RORA: variants seen among roughly 807,000 people sequenced by gnomAD.
RORA encodes the protein RAR related orphan receptor A, also known as nuclear receptor ROR-alpha.
Under a neutral mutation model 69.5 loss-of-function variants are expected in RORA, and 7 were observed. The ratio of observed to expected loss-of-function variants is 0.10; its 90% CI spans 0.06 to 0.19. The LOEUF (loss-of-function observed/expected upper bound fraction) is 0.19. Among genes scored for constraint, RORA ranks in the 10% least tolerant of loss-of-function variants. The pLI is 1.00. For missense variants in RORA, 457 were observed against 663.0 expected, an observed-to-expected ratio of 0.69 and a Z score of 3.41; for synonymous variants, 261 against 240.8, an observed-to-expected ratio of 1.08 and a Z score of -0.78.
rs1267154275 is a variant in RORA, at chr15:60,490,837, C to T, written c.*6618G>A. 6.6e-6 allele frequency: 1 copy of T among 152,124 alleles called. No homozygotes were observed. Among genetic ancestry groups the T allele is most frequent in the East Asian group, 1.9e-4 (1 of 5,200 alleles). 9.4% of individuals were successfully genotyped at this position (152,124 alleles called of 1,614,324 possible). ...AACAGTTTGCAAATAAACCACCTAA[C>T]ACTGCAGTTCTTTATACATATTAAA... On this transcript the variant is annotated 3_prime_UTR_variant, in exon 11 of 11. Coordinates refer to ENST00000335670, the MANE Select transcript of RORA (RefSeq NM_134261.3). This position sits in a 1 kb window ranked among gnomAD's most constrained non-coding sequence, Gnocchi z 4.1.
intron 2 of RORA, among the ~76,000 whole-genome samples, chr15:60,668,178 G>C (rs1006924354): frequency 3.3e-5 from 5 of 152,130 alleles, no homozygotes; most frequent in Non-Finnish European, 5.9e-5. Flanking sequence ...ACTCCACGTA[G>C]ATCAGTTCGA....
intron 1 of RORA, among the ~76,000 whole-genome samples, chr15:61,093,286 G>A (rs1169892312): frequency 1.3e-5 from 2 of 152,118 alleles, no homozygotes; most frequent in Non-Finnish European, 2.9e-5. Context: ...CAATATGAAC[G>A]CATTAGGTGC....
At chr15:61,009,529 T>C (rs1895024426) in intron 1 of RORA, among the ~76,000 whole-genome samples, 1 of 152,218 alleles carries the variant, frequency 6.6e-6, no homozygotes, top group African/African-American at 2.4e-5. Flanking sequence ...TGTCTATTTA[T>C]ACCTATAAGG....
At chr15:61,143,114 G>C (rs938692983) in intron 1 of RORA, among the ~76,000 whole-genome samples, 1 of 152,076 alleles carries the variant, frequency 6.6e-6, no homozygotes, top group African/African-American at 2.4e-5. Context: ...ACTGAAAATG[G>C]ATGGATACAT....
At chr15:60,939,712 G>A (rs1191658717) in intron 1 of RORA, among the ~76,000 whole-genome samples, 1 of 152,182 alleles carries the variant, frequency 6.6e-6, no homozygotes, top group Non-Finnish European at 1.5e-5. Flanking sequence ...AGTTTCTCCT[G>A]TTAAGTCTGA....
intron 1 of RORA, among the ~76,000 whole-genome samples, chr15:61,107,629 T>C (rs1215550995): frequency 6.6e-6 from 1 of 151,998 alleles, no homozygotes; most frequent in Non-Finnish European, 1.5e-5. Flanking sequence ...CTACAAACTA[T>C]TGATATGTTA....
chr15:60,941,946 T>G lies in RORA; in HGVS notation c.167-263260A>C, dbSNP rs181624395. ...TTTTAGGAAGATAATTGTTGATCTT[T>G]GCATTACCCACCAGTCCAGTGAGCA... is the stretch of plus-strand genomic sequence containing the variant. On this transcript the variant is annotated intron_variant, in intron 1 of 10. Transcript: ENST00000335670. 6.9e-4 allele frequency among the ~76,000 whole-genome samples: 105 copies of G among 152,376 alleles called. 1 individual carries two copies. Among genetic ancestry groups the G allele is most frequent in the Middle Eastern group, 6.8e-3 (2 of 294 alleles).
intron 1 of RORA, among the ~76,000 whole-genome samples, chr15:61,164,845 C>T (rs1473263152): frequency 6.6e-6 from 1 of 152,162 alleles, no homozygotes; most frequent in African/African-American, 2.4e-5. Flanking sequence ...TATAAATGTT[C>T]CAGGTAATTA....
At chr15:60,543,864 G>A (rs1239962320) in intron 2 of RORA, among the ~76,000 whole-genome samples, 2 of 152,144 alleles carry the variant, frequency 1.3e-5, no homozygotes, top group African/African-American at 2.4e-5. Flanking sequence ...GTTGTGTAAC[G>A]ACATGGAGTT....
In RORA at chr15:60,913,425, G is replaced by T. The variant is rs554471208; in HGVS notation, c.167-234739C>A. 2.4e-3 allele frequency among the ~76,000 whole-genome samples: 360 copies of T among 152,310 alleles called. 2 individuals are homozygous for T. Among genetic ancestry groups the T allele is most frequent in the South Asian group, 4.4e-3 (21 of 4,814 alleles). On this transcript the variant is annotated intron_variant, in intron 1 of 10. Coordinates refer to ENST00000335670, the MANE Select transcript of RORA (RefSeq NM_134261.3). ...GAAAGCCTAGAGGAAATTGGCCAACGTCTTGGTATTCCATTCTGGTTGCCA... is the reference window on the plus strand; with the variant it reads ...GAAAGCCTAGAGGAAATTGGCCAACTTCTTGGTATTCCATTCTGGTTGCCA...
chr15:60,660,654 T>A (rs865952273), intron 2 of RORA, among the ~76,000 whole-genome samples: 1 of 152,238 alleles, frequency 6.6e-6, no homozygotes, highest in African/African-American at 2.4e-5. Context: ...CCATTCAGCT[T>A]CCATGAGGCC....
intron 1 of RORA, among the ~76,000 whole-genome samples, chr15:60,787,491 C>A (rs978426806): frequency 1.3e-5 from 2 of 152,210 alleles, no homozygotes; most frequent in African/African-American, 2.4e-5. Context: ...GTGGGGACAG[C>A]ATACGTTAGT....
intron 1 of RORA, among the ~76,000 whole-genome samples, chr15:61,089,539 C>T (rs1484192637): frequency 6.6e-6 from 1 of 152,172 alleles, no homozygotes; most frequent in African/African-American, 2.4e-5. Flanking sequence ...AAAAGGATGC[C>T]TTTCACTTGC....
intron 2 of RORA, among the ~76,000 whole-genome samples, chr15:60,626,180 T>G (rs1370116096): frequency 2.0e-5 from 3 of 152,186 alleles, no homozygotes; most frequent in Non-Finnish European, 4.4e-5. Context: ...GGTGTCTGTT[T>G]GAGCTCAACC....
intron 2 of RORA, among the ~76,000 whole-genome samples, chr15:60,661,654 C>A (rs562526397): frequency 6.6e-6 from 1 of 152,258 alleles, no homozygotes; most frequent in Non-Finnish European, 1.5e-5. Flanking sequence ...CCTGAAAGGG[C>A]CCCCTCTTTT....
intron 1 of RORA, among the ~76,000 whole-genome samples, chr15:60,895,868 A>G (rs533551679): frequency 9.8e-5 from 15 of 152,288 alleles, no homozygotes; most frequent in African/African-American, 3.1e-4. Flanking sequence ...CAATTTGTTC[A>G]TTTTGTGAGG....
chr15:60,641,495 C>T (rs994408870), intron 2 of RORA, among the ~76,000 whole-genome samples: 6 of 151,898 alleles, frequency 4.0e-5, no homozygotes, highest in South Asian at 2.1e-4. Flanking sequence ...CTGCAACCTC[C>T]GCGTCCTGGG....
chr15:60,633,485 T>C (rs556226070), intron 2 of RORA, among the ~76,000 whole-genome samples: 2 of 152,348 alleles, frequency 1.3e-5, no homozygotes, highest in African/African-American at 2.4e-5. Context: ...CTCTATAAAA[T>C]GAATGCTTCA....
chr15:60,551,547 G>T (rs2067228275), intron 2 of RORA, among the ~76,000 whole-genome samples: 1 of 152,138 alleles, frequency 6.6e-6, no homozygotes. Flanking sequence ...AGGAATGAAA[G>T]TTAAAAGACC....
Sources: gnomAD v4.1 joint callset for allele counts (sites outside exome capture counted in the v4.1 genomes callset) on GRCh38, gnomAD v4.1.1 for gene constraint, Gnocchi (gnomAD v3.1) non-coding constraint, MANE v1.5 for transcripts, NCBI Gene and HGNC (gene_info 2026-07-23, HGNC 2026-07-21) for gene names.